Variants in RBFOX1 observed in about 807,000 individuals in gnomAD.
RBFOX1 encodes the protein RNA binding fox-1 homolog 1, also known as RNA binding protein fox-1 homolog 1.
Under a neutral mutation model 57.7 loss-of-function variants are expected in RBFOX1, and 8 were observed. The observed-to-expected ratio is 0.14, with a 90% CI of 0.08 to 0.25. The LOEUF (loss-of-function observed/expected upper bound fraction) is 0.25, where lower values mean the gene tolerates loss of function less well. Among genes scored for constraint, RBFOX1 ranks in the 10% least tolerant of loss-of-function variants. RBFOX1 has a pLI of 1.00. For missense variants in RBFOX1, 611 were observed against 548.5 expected (o/e 1.11, Z -1.14); for synonymous variants, 326 against 222.4 (o/e 1.47, Z -4.15).
At chr16:5,829,082 G>A (rs540489304) in intron 3 of RBFOX1, among the ~76,000 whole-genome samples, 20 of 152,222 alleles carry the variant, frequency 1.3e-4, no homozygotes, top group African/African-American at 4.8e-4. Context: ...CTATTCTTTA[G>A]AGGGAAGTCT....
intron 2 of RBFOX1, among the ~76,000 whole-genome samples, chr16:6,478,421 ATATATATATTTT>A (rs1484513872): frequency 5.6e-4 from 7 of 12,430 alleles, no homozygotes; most frequent in African/African-American, 9.1e-4. Flanking sequence ...ATATATATAT[ATATATATATTTT>A]TTTTTTTTTT....
intron 2 of RBFOX1, among the ~76,000 whole-genome samples, chr16:5,542,590 G>C (rs1373259117): frequency 5.9e-5 from 9 of 151,932 alleles, no homozygotes; most frequent in African/African-American, 1.9e-4. Flanking sequence ...CATCTACCTT[G>C]CATTTCAATC....
At chr16:7,553,623 C>A (rs1186690906) in intron 5 of RBFOX1, among the ~76,000 whole-genome samples, 1 of 152,202 alleles carries the variant, frequency 6.6e-6, no homozygotes, top group African/African-American at 2.4e-5. Flanking sequence ...GTGGCCAGTG[C>A]ACTTGAAAGG....
At chr16:6,448,566 C>A (rs981579688) in intron 2 of RBFOX1, among the ~76,000 whole-genome samples, 2 of 152,098 alleles carry the variant, frequency 1.3e-5, no homozygotes, top group African/African-American at 4.8e-5. Context: ...TAGACTTTAC[C>A]TGCCCATAGC....
chr16:7,288,634 A>C (rs2095697775), intron 4 of RBFOX1, among the ~76,000 whole-genome samples: 1 of 152,180 alleles, frequency 6.6e-6, no homozygotes, highest in Non-Finnish European at 1.5e-5. Context: ...TGAGGTCAGG[A>C]GTTCGAGACC....
chr16:7,082,953 G>C (rs1206343844), intron 4 of RBFOX1, among the ~76,000 whole-genome samples: 1 of 152,052 alleles, frequency 6.6e-6, no homozygotes, highest in Non-Finnish European at 1.5e-5. Context: ...AAGCAGCTCT[G>C]GACCTACCAG....
chr16:5,713,365 G>A (rs1472859215), intron 3 of RBFOX1, among the ~76,000 whole-genome samples: 1 of 152,146 alleles, frequency 6.6e-6, no homozygotes. Flanking sequence ...AGATTAAGGG[G>A]CGTTTAAGAG....
intron 1 of RBFOX1, among the ~76,000 whole-genome samples, chr16:5,427,320 C>T (rs1279489204): frequency 6.6e-6 from 1 of 152,204 alleles, no homozygotes; most frequent in Non-Finnish European, 1.5e-5. Context: ...CACGGTGGCT[C>T]ATGCCTTTAA....
intron 3 of RBFOX1, among the ~76,000 whole-genome samples, chr16:6,828,546 A>C (rs2092418022): frequency 6.6e-6 from 1 of 151,818 alleles, no homozygotes; most frequent in Non-Finnish European, 1.5e-5. Flanking sequence ...ATCAGATAGC[A>C]GTTTCATATG....
At chr16:6,499,620 T>G (rs2095859973) in intron 2 of RBFOX1, among the ~76,000 whole-genome samples, 1 of 152,094 alleles carries the variant, frequency 6.6e-6, no homozygotes, top group Non-Finnish European at 1.5e-5. Flanking sequence ...AGCTTAAAAA[T>G]CAGTAGGGCA....
intron 2 of RBFOX1, among the ~76,000 whole-genome samples, chr16:6,387,987 T>TTA (rs2092391478): frequency 7.0e-6 from 1 of 143,190 alleles, no homozygotes. Flanking sequence ...TTTTTTTTTT[T>TTA]TTTTTTTTTT....
At position 5,326,919 on chromosome 16, in the gene RBFOX1, C is replaced by T. The variant is rs1448013170; in HGVS notation, c.219+86814C>T. Among the ~76,000 whole-genome samples the T allele has an allele frequency of 3.3e-5, 5 of 152,296 alleles. No homozygotes were observed. In the East Asian group the frequency reaches 7.7e-4, roughly 24 times the overall value. On this transcript the variant is annotated intron_variant, in intron 1 of 2. Coordinates refer to the RBFOX1 transcript ENST00000585867. ...ATTCATTAATTCATTTGTCCAATAT[C>T]GAGCCAGGCACTGTCCTAGGAACTG...
intron 2 of RBFOX1, among the ~76,000 whole-genome samples, chr16:6,642,925 T>C (rs1014105092): frequency 1.2e-4 from 18 of 152,208 alleles, no homozygotes; most frequent in African/African-American, 4.1e-4. Flanking sequence ...TTTTACTTAG[T>C]TTACATGCGT....
intron 3 of RBFOX1, among the ~76,000 whole-genome samples, chr16:5,719,867 G>T (rs779842364): frequency 6.6e-6 from 1 of 152,116 alleles, no homozygotes; most frequent in Non-Finnish European, 1.5e-5. Flanking sequence ...ACGAACATTT[G>T]TGAACACGTT....
At chr16:6,545,060 G>A (rs1319199329) in intron 2 of RBFOX1, among the ~76,000 whole-genome samples, 12 of 152,170 alleles carry the variant, frequency 7.9e-5, no homozygotes, top group Admixed American at 6.5e-4. Flanking sequence ...ATAGGACTGA[G>A]TTGAATTAAA....
intron 4 of RBFOX1, among the ~76,000 whole-genome samples, chr16:5,987,988 G>T (rs1053170621): frequency 2.0e-5 from 3 of 152,152 alleles, no homozygotes; most frequent in Non-Finnish European, 4.4e-5. Flanking sequence ...CACAGCCAGA[G>T]ACAAGCTGCA....
chr16:6,761,245 A>G (rs1259753246), intron 3 of RBFOX1, among the ~76,000 whole-genome samples: 1 of 152,170 alleles, frequency 6.6e-6, no homozygotes, highest in South Asian at 2.1e-4. Flanking sequence ...GGGAAAAAGT[A>G]ATCAATTTAA....
intron 3 of RBFOX1, among the ~76,000 whole-genome samples, chr16:5,745,385 T>C (rs912426195): frequency 2.6e-5 from 4 of 152,214 alleles, no homozygotes; most frequent in Admixed American, 6.5e-5. Flanking sequence ...CTATTGTGAA[T>C]AGTGCCGCAA....
chr16:6,275,797 G>C (rs905130700), intron 1 of RBFOX1, among the ~76,000 whole-genome samples: 4 of 152,166 alleles, frequency 2.6e-5, no homozygotes, highest in African/African-American at 9.7e-5. Flanking sequence ...CTGCCAATTA[G>C]TATGATAAAG....
Sources: gnomAD v4.1 joint callset for allele counts (sites outside exome capture counted in the v4.1 genomes callset) on GRCh38, gnomAD v4.1.1 for gene constraint, MANE v1.5 for transcripts, NCBI Gene and HGNC (gene_info 2026-07-23, HGNC 2026-07-21) for gene names.